Variants in APC observed in about 807,000 individuals in gnomAD.
APC encodes the protein APC regulator of Wnt signaling pathway.
In APC, 72 loss-of-function variants were observed where a neutral mutation model predicts 247.0. The ratio of observed to expected loss-of-function variants is 0.29; its 90% CI spans 0.24 to 0.35. The LOEUF (loss-of-function observed/expected upper bound fraction) is 0.35, where lower values mean the gene tolerates loss of function less well. Among genes scored for constraint, APC ranks in the 10% least tolerant of loss-of-function variants. The probability of loss-of-function intolerance (pLI) is 1.00; values close to 1 mark genes in which losing one functional copy is unlikely to be tolerated. For missense variants in APC, 3,400 were observed against 3,360.7 expected, an observed-to-expected ratio of 1.01 and a Z score of -0.29; for synonymous variants, 1,254 against 1,162.5, an observed-to-expected ratio of 1.08 and a Z score of -1.60.
chr5:112,743,682 T>G (rs538218305), intron 1 of APC, among the ~76,000 whole-genome samples: 14 of 152,298 alleles, frequency 9.2e-5, no homozygotes, highest in African/African-American at 3.4e-4. Context: ...ACAGCCTTAT[T>G]AAATTTCTCT....
rs1181350109 is a variant in APC at position 112,792,624 on chromosome 5, A to G, written c.729+95A>G. 4 of 870,368 alleles carry G rather than the reference A, an allele frequency of 4.6e-6. No individual in the cohort carries two copies. The Admixed American group carries it at 5.9e-5, about 13-fold the overall frequency. The allele number at this position is 870,368 out of a possible 1,614,324, so 53.9% of individuals were successfully genotyped here. A position where few individuals can be genotyped will look rare whatever the true frequency, so the allele number is the denominator to read the frequency against. ...TAATTTAATGTGACACCATTGAAAT[A>G]TAGATGTTCTTTCAGAGAATTTAAA... On this transcript the variant is annotated intron_variant, in intron 7 of 15. Coordinates refer to ENST00000257430, the MANE Select transcript of APC (RefSeq NM_000038.6).
chr5:112,843,494 G>C lies in APC; in HGVS notation c.7900G>C (p.Ala2634Pro), dbSNP rs2149995834. 1 of 1,613,964 alleles carries C rather than the reference G, an allele frequency of 6.2e-7. No individual in the cohort carries two copies. The highest frequency in any genetic ancestry group is 8.5e-7 in the Non-Finnish European group (1 of 1,179,832). Residue 2634 changes from alanine (A) to proline (P), a missense_variant, in exon 16 of 16, where the codon GCT (alanine) becomes CCT (proline). Coordinates refer to ENST00000257430, the MANE Select transcript of APC (RefSeq NM_000038.6). The surrounding 1 kb of genome is among the most constrained non-coding windows in gnomAD (Gnocchi z 4.8). ...NSTSQTVSSGATNGAESKTLI... is the reference protein window; with the variant it reads ...NSTSQTVSSGPTNGAESKTLI... Reference sequence around the variant, plus strand: ...TACTTCTCAGACCGTTTCCTCAGGTGCTACAAATGGTGCTGAATCAAAGAC... The same window carrying C: ...TACTTCTCAGACCGTTTCCTCAGGTCCTACAAATGGTGCTGAATCAAAGAC...
chr5:112,808,482 A>T (rs1160787466), intron 8 of APC, among the ~76,000 whole-genome samples: 1 of 151,674 alleles, frequency 6.6e-6, no homozygotes, highest in South Asian at 2.1e-4. Flanking sequence ...TTTAGTCAGG[A>T]TCTCACTCTC....
At chr5:112,725,976 C>G (rs921688835) in intron 1 of APC, among the ~76,000 whole-genome samples, 1 of 152,150 alleles carries the variant, frequency 6.6e-6, no homozygotes, top group Admixed American at 6.5e-5. Flanking sequence ...GTTCCCTGAC[C>G]CCTGTTGCAG....
chr5:112,805,273 G>A (rs1026080829), intron 8 of APC, among the ~76,000 whole-genome samples: 1 of 152,122 alleles, frequency 6.6e-6, no homozygotes, highest in African/African-American at 2.4e-5. Flanking sequence ...GATTTCCGTT[G>A]TATGGTAGTT....
intron 10 of APC, 109 bp from the exon 11 acceptor site, chr5:112,821,787 C>G (rs1763152311): frequency 2.4e-6 from 2 of 818,366 alleles, no homozygotes; most frequent in Non-Finnish European, 4.0e-6. Flanking sequence ...CACTAAAATT[C>G]CGTGAATTAG....
At chr5:112,809,777 G>A (rs564317608) in intron 8 of APC, among the ~76,000 whole-genome samples, 20 of 152,254 alleles carry the variant, frequency 1.3e-4, no homozygotes, top group South Asian at 6.2e-4. Context: ...CGAGATGGGC[G>A]GATCACGAGG....
chr5:112,754,605 A>G (rs1754746256), intron 1 of APC, among the ~76,000 whole-genome samples: 1 of 152,210 alleles, frequency 6.6e-6, no homozygotes, highest in Non-Finnish European at 1.5e-5. Flanking sequence ...TAGAAAGTTT[A>G]ATCCATCTGT....
At position 112,841,559 on chromosome 5, in the gene APC, G is replaced by C. The variant is rs2149953632; in HGVS notation, c.5965G>C (p.Glu1989Gln). 1 of 1,613,966 alleles carries C rather than the reference G, an allele frequency of 6.2e-7. No individual in the cohort carries two copies. The highest frequency in any genetic ancestry group is 8.5e-7 in the Non-Finnish European group (1 of 1,179,918). The part of the protein sequence containing the change: ...NNNKENEPIK[E>Q]TEPPDSQGEP... Reference sequence around the variant, plus strand: ...CAATAAAGAAAATGAACCTATCAAAGAGACTGAGCCCCCTGACTCACAGGG... The same window carrying C: ...CAATAAAGAAAATGAACCTATCAAACAGACTGAGCCCCCTGACTCACAGGG... Residue 1989 changes from glutamate to glutamine, a missense_variant, in exon 16 of 16, where the codon GAG (glutamate) becomes CAG (glutamine). Glu to Gln is a conservative substitution (Grantham distance 29). This residue lies in a region of APC where 1,788 missense variants were observed against 1,649.5 expected (regional missense o/e 1.08). Coordinates refer to ENST00000257430, the MANE Select transcript of APC (RefSeq NM_000038.6). This position sits in a 1 kb window ranked among gnomAD's most constrained non-coding sequence, Gnocchi z 4.6.
rs2149899752 is a variant in APC at position 112,839,417 on chromosome 5, A to G, written c.3823A>G (p.Ser1275Gly). Residue 1275 changes from serine to glycine, a missense_variant, in exon 16 of 16, where the codon AGT becomes GGT. Transcript: ENST00000257430. This position sits in a 1 kb window ranked among gnomAD's most constrained non-coding sequence, Gnocchi z 5.0. ...EDTPICFSRCSSLSSLSSAED... is the reference protein window; with the variant it reads ...EDTPICFSRCGSLSSLSSAED... ...TACTCCAATATGTTTTTCAAGATGTAGTTCATTATCATCTTTGTCATCAGC... is the reference window on the plus strand; with the variant it reads ...TACTCCAATATGTTTTTCAAGATGTGGTTCATTATCATCTTTGTCATCAGC... The G allele has an allele frequency of 6.2e-7, 1 of 1,614,146 alleles. No individual in the cohort carries two copies.
chr5:112,746,885 C>A (rs1753745600), intron 1 of APC, among the ~76,000 whole-genome samples: 1 of 152,152 alleles, frequency 6.6e-6, no homozygotes, highest in African/African-American at 2.4e-5. Flanking sequence ...GATTGCATAC[C>A]CAGAAAATCC....
At position 112,845,966 on chromosome 5, in the gene APC, A is replaced by G. The variant is rs886059816; in HGVS notation, c.*1840A>G. On this transcript the variant is annotated 3_prime_UTR_variant, in exon 16 of 16. Transcript: ENST00000257430. Reference sequence around the variant, plus strand: ...TGAAAATCACATCAAGTAGTTAATTATCTACCCCTTACCTGTGTTTATAAC... The same window carrying G: ...TGAAAATCACATCAAGTAGTTAATTGTCTACCCCTTACCTGTGTTTATAAC... 1 of 232,084 alleles carries G rather than the reference A, an allele frequency of 4.3e-6. No individual in the cohort carries two copies. Among genetic ancestry groups the G allele is most frequent in the Non-Finnish European group, 8.5e-6 (1 of 117,408 alleles). The allele number at this position is 232,084 out of a possible 1,614,324, so 14.4% of individuals were successfully genotyped here.
intron 1 of APC, among the ~76,000 whole-genome samples, chr5:112,753,113 G>A (rs1330200085): frequency 6.6e-6 from 1 of 152,014 alleles, no homozygotes; most frequent in African/African-American, 2.4e-5. Context: ...TTTGAAATGA[G>A]AAATTTTAAG....
At chr5:112,760,106 G>T (rs959942421) in intron 2 of APC, among the ~76,000 whole-genome samples, 5 of 152,074 alleles carry the variant, frequency 3.3e-5, no homozygotes, top group African/African-American at 1.2e-4. Context: ...TCTTCCTGGG[G>T]TATATTGATT....
rs571749395 is a variant in APC at position 112,745,059 on chromosome 5, T to C, written c.-19+7134T>C. ...AGATATTGTAAGTACTAAATAGATA[T>C]CAGGCTTTCTGAATTTCACATATCA... is the stretch of plus-strand genomic sequence containing the variant. On this transcript the variant is annotated intron_variant, in intron 1 of 15. Transcript: ENST00000257430. Among the ~76,000 whole-genome samples, 225 of 152,298 alleles carry C rather than the reference T, an allele frequency of 1.5e-3. 3 individuals carry two copies. In the Middle Eastern group the frequency reaches 0.024, roughly 16 times the overall value.
At chr5:112,804,247 A>G (rs765621327) in intron 8 of APC, among the ~76,000 whole-genome samples, 5 of 152,192 alleles carry the variant, frequency 3.3e-5, no homozygotes, top group Non-Finnish European at 7.3e-5. Context: ...AGCACAATTT[A>G]TCATTGGTTT....
chr5:112,817,401 T>G lies in APC; in HGVS notation c.934-1565T>G, dbSNP rs150264826. Among the ~76,000 whole-genome samples, 191 of 152,302 alleles carry G rather than the reference T, an allele frequency of 1.3e-3. 1 individual carries two copies. Among genetic ancestry groups the G allele is most frequent in the African/African-American group, 4.5e-3 (185 of 41,564 alleles). ...ATATTCTCACTATGAGGCTTAATCC[T>G]GTTTATACTTCTTGGGACCTCATAT... On this transcript the variant is annotated intron_variant, in intron 9 of 15. Transcript: ENST00000257430.
intron 11 of APC, among the ~76,000 whole-genome samples, chr5:112,823,842 C>T (rs1239554925): frequency 6.6e-6 from 1 of 152,150 alleles, no homozygotes; most frequent in Non-Finnish European, 1.5e-5. Flanking sequence ...CCCAGAGGCA[C>T]TCGTCAAACT....
At chr5:112,786,083 C>G (rs1243710948) in intron 6 of APC, among the ~76,000 whole-genome samples, 1 of 152,090 alleles carries the variant, frequency 6.6e-6, no homozygotes, top group Non-Finnish European at 1.5e-5. Flanking sequence ...AAAGACAACC[C>G]TGTGTTTTTG....
Sources: allele counts gnomAD v4.1 joint callset (sites outside exome capture counted in the v4.1 genomes callset), GRCh38; gene constraint gnomAD v4.1.1; regional missense constraint gnomAD v4.1.1; non-coding constraint Gnocchi (gnomAD v3.1); transcripts MANE v1.5; gene names NCBI Gene and HGNC (gene_info 2026-07-23, HGNC 2026-07-21).